The following FBXL14 variants were observed in gnomAD, a reference collection of about 807,000 sequenced individuals.
The protein encoded by FBXL14 is F-box and leucine rich repeat protein 14.
Under a neutral mutation model 24.5 loss-of-function variants are expected in FBXL14, and 11 were observed. The observed-to-expected ratio is 0.45, with a 90% confidence interval of 0.28 to 0.74. The LOEUF (loss-of-function observed/expected upper bound fraction) is 0.74, where lower values mean the gene tolerates loss of function less well. FBXL14 is among the 30% of genes least tolerant of loss of function. FBXL14 has a pLI of 0.12. For missense variants in FBXL14, 384 were observed against 545.6 expected (o/e 0.70, Z 2.95); for synonymous variants, 294 against 240.4 (o/e 1.22, Z -2.06).
intron 1 of FBXL14, among the ~76,000 whole-genome samples, chr12:1,585,785 A>T (rs186164152): frequency 1.3e-3 from 199 of 152,344 alleles, no homozygotes; most frequent in Non-Finnish European, 1.5e-3. Flanking sequence ...TGTAACTAAA[A>T]CATCTGTGAA....
At chr12:1,570,734 TAGTC>T (rs1450386794) in intron 1 of FBXL14, among the ~76,000 whole-genome samples, 1 of 152,158 alleles carries the variant, frequency 6.6e-6, no homozygotes, top group African/African-American at 2.4e-5. Context: ...TTGCCCATCT[TAGTC>T]AGAACATACA....
intron 1 of FBXL14, chr12:1,587,406 A>C (rs2094479213): frequency 6.6e-6 from 1 of 152,100 alleles, no homozygotes; most frequent in Admixed American, 6.5e-5. Context: ...AACATACCCC[A>C]CTCTGGTGCT....
intron 1 of FBXL14, among the ~76,000 whole-genome samples, chr12:1,582,692 CA>C (rs1216618010): frequency 6.6e-6 from 1 of 152,110 alleles, no homozygotes; most frequent in East Asian, 1.9e-4. Context: ...ATTCTCTAAC[CA>C]AAAATGACGT....
At chr12:1,586,531 A>G (rs931510389) in intron 1 of FBXL14, among the ~76,000 whole-genome samples, 1 of 152,124 alleles carries the variant, frequency 6.6e-6, no homozygotes, top group Non-Finnish European at 1.5e-5. Flanking sequence ...GAAGAGAGAC[A>G]GGGTGGTGCT....
rs191227055 is a variant in FBXL14 at position 1,588,876 on chromosome 12, C to G, written c.1194+3997G>C. Among the ~76,000 whole-genome samples, 3 of 152,134 alleles carry G rather than the reference C, an allele frequency of 2.0e-5. No homozygotes were observed. The East Asian group carries it at 5.8e-4, about 29-fold the overall frequency. On this transcript the variant is annotated intron_variant, in intron 1 of 1. Transcript: ENST00000339235. ...CATGTCCTTTAGCTCTTCTATTCTT[C>G]AATGCATTTCTCCCATTCCTGTAGG...
upstream of FBXL14, among the ~76,000 whole-genome samples, chr12:1,594,772 C>T (rs1341865449): frequency 6.6e-6 from 1 of 150,534 alleles, no homozygotes; most frequent in Non-Finnish European, 1.5e-5. Flanking sequence ...GGCGAGCAGG[C>T]GGGCCGTGCG....
At chr12:1,578,012 C>T (rs1359148199) in intron 1 of FBXL14, among the ~76,000 whole-genome samples, 1 of 152,170 alleles carries the variant, frequency 6.6e-6, no homozygotes, top group African/African-American at 2.4e-5. Context: ...GATTCAGGGG[C>T]ATTTCCCACC....
In FBXL14 at chr12:1,594,568, C is replaced by G. The variant is rs960298251; in HGVS notation, c.-502G>C. Among the ~76,000 whole-genome samples, 8 of 148,530 alleles carry G rather than the reference C, an allele frequency of 5.4e-5. No individual in the cohort carries two copies. The highest frequency in any genetic ancestry group is 1.9e-4 in the African/African-American group (8 of 41,066). On this transcript the variant is annotated 5_prime_UTR_variant, in exon 1 of 2. Transcript: ENST00000339235. ...AGGAGGCTTCCTGCTGCCTTTGTCTCTCGCCCGCTTTTCAAACCTCCCAGC... is the reference window on the plus strand; with the variant it reads ...AGGAGGCTTCCTGCTGCCTTTGTCTGTCGCCCGCTTTTCAAACCTCCCAGC...
At chr12:1,584,360 A>G (rs780679891) in intron 1 of FBXL14, among the ~76,000 whole-genome samples, 3 of 152,332 alleles carry the variant, frequency 2.0e-5, no homozygotes, top group African/African-American at 7.2e-5. Flanking sequence ...CTAAAAATCA[A>G]TAAAGCAGGG....
At chr12:1,583,361 A>T (rs1402686730) in intron 1 of FBXL14, among the ~76,000 whole-genome samples, 1 of 151,672 alleles carries the variant, frequency 6.6e-6, no homozygotes, top group Admixed American at 6.5e-5. Context: ...GTGCCCTTTA[A>T]GAAGAATTAG....
intron 1 of FBXL14, among the ~76,000 whole-genome samples, chr12:1,575,749 A>T (rs956050783): frequency 3.3e-5 from 5 of 152,038 alleles, no homozygotes; most frequent in African/African-American, 1.2e-4. Context: ...TCGGTAGGAA[A>T]ATAGTGTGGA....
At chr12:1,578,936 G>A (rs934213557) in intron 1 of FBXL14, among the ~76,000 whole-genome samples, 1 of 152,128 alleles carries the variant, frequency 6.6e-6, no homozygotes, top group East Asian at 1.9e-4. Context: ...AGAGGTGCTC[G>A]TCTTCATGTA....
At chr12:1,577,955 A>C (rs532289746) in intron 1 of FBXL14, among the ~76,000 whole-genome samples, 2 of 152,264 alleles carry the variant, frequency 1.3e-5, no homozygotes, top group Non-Finnish European at 2.9e-5. Flanking sequence ...CCCTGTAGTT[A>C]CCCCACCTAG....
At chr12:1,587,820 T>C (rs2094480162) in intron 1 of FBXL14, among the ~76,000 whole-genome samples, 1 of 152,246 alleles carries the variant, frequency 6.6e-6, no homozygotes, top group South Asian at 2.1e-4. Context: ...TAGGTTTGAA[T>C]GCAGCTTTCT....
chr12:1,575,179 C>A (rs928622312), intron 1 of FBXL14, among the ~76,000 whole-genome samples: 1 of 152,128 alleles, frequency 6.6e-6, no homozygotes, highest in Non-Finnish European at 1.5e-5. Flanking sequence ...GGAGAAAAAA[C>A]TTCTATTTAA....
intron 1 of FBXL14, among the ~76,000 whole-genome samples, chr12:1,580,222 A>G (rs753962373): frequency 3.3e-5 from 5 of 152,196 alleles, no homozygotes; most frequent in Non-Finnish European, 5.9e-5. Flanking sequence ...AATGCCTCCA[A>G]TCTTGCGGTG....
rs1160363891 is a variant in FBXL14, at chr12:1,569,294, T to C, written c.1195-2484A>G. On this transcript the variant is annotated intron_variant, in intron 1 of 1. Coordinates refer to ENST00000339235, the MANE Select transcript of FBXL14 (RefSeq NM_152441.3). The surrounding 1 kb of genome is among the most constrained non-coding windows in gnomAD (Gnocchi z 4.2). ...TGTTTTCTAATTCTCTCTCTCTCTC[T>C]CCCTCTCCTTCCCATTCCCTCTCCT... 6.6e-6 allele frequency among the ~76,000 whole-genome samples: 1 copy of C among 151,994 alleles called. No homozygotes were observed. Among genetic ancestry groups the C allele is most frequent in the Admixed American group, 6.6e-5 (1 of 15,260 alleles).
chr12:1,589,880 C>G (rs952268767), intron 1 of FBXL14, among the ~76,000 whole-genome samples: 1 of 152,092 alleles, frequency 6.6e-6, no homozygotes, highest in South Asian at 2.1e-4. Flanking sequence ...TAACATTTAA[C>G]GTAAAAAGGA....
chr12:1,590,043 CTAAG>C (rs1183004156), intron 1 of FBXL14, among the ~76,000 whole-genome samples: 1 of 152,162 alleles, frequency 6.6e-6, no homozygotes, highest in Non-Finnish European at 1.5e-5. Context: ...GAAAAACAGA[CTAAG>C]AACCCACTGC....
Sources: gnomAD v4.1 joint callset for allele counts (sites outside exome capture counted in the v4.1 genomes callset) on GRCh38, gnomAD v4.1.1 for gene constraint, Gnocchi (gnomAD v3.1) non-coding constraint, MANE v1.5 for transcripts, NCBI Gene and HGNC (gene_info 2026-07-23, HGNC 2026-07-21) for gene names.